The following LARGE1 variants were observed in gnomAD, a reference collection of about 807,000 sequenced individuals.
LARGE1 encodes xylosyl- and glucuronyltransferase LARGE1.
In LARGE1, 43 loss-of-function variants were observed where a neutral mutation model predicts 87.6. That is an observed-to-expected ratio of 0.49 (90% CI 0.38 to 0.63). The LOEUF is 0.63. Among genes scored for constraint, LARGE1 ranks in the 30% least tolerant of loss-of-function variants. The pLI is 0.00. For synonymous variants in LARGE1, 434 were observed against 394.6 expected (o/e 1.10, Z -1.18); for missense variants, 802 against 1,000.2 (o/e 0.80, Z 2.67).
chr22:33,505,145 T>G (rs2070702406), intron 6 of LARGE1, among the ~76,000 whole-genome samples: 1 of 152,228 alleles, frequency 6.6e-6, no homozygotes, highest in Non-Finnish European at 1.5e-5. Flanking sequence ...GCATGCAGCT[T>G]CAACAGCTTG....
the LARGE1 span, among the ~76,000 whole-genome samples, chr22:33,151,471 T>C: frequency 6.6e-6 from 1 of 152,230 alleles, no homozygotes. Context: ...CATTGGTTTC[T>C]AGTGCTATGT....
intron 12 of LARGE1, among the ~76,000 whole-genome samples, chr22:33,288,360 T>C (rs1017231797): frequency 3.3e-5 from 5 of 152,212 alleles, no homozygotes; most frequent in Admixed American, 2.0e-4. Flanking sequence ...ACAGAAATCC[T>C]GCCTCAGTTT....
intron 7 of LARGE1, among the ~76,000 whole-genome samples, chr22:33,404,133 A>G (rs2283904): frequency 0.44 from 67,374 of 152,050 alleles, 18,596 homozygotes; most frequent in African/African-American, 0.79. Flanking sequence ...GGGGAGATAA[A>G]GAAAGCTCAG....
At chr22:33,348,991 T>C (rs1476110319) in intron 9 of LARGE1, among the ~76,000 whole-genome samples, 1 of 152,180 alleles carries the variant, frequency 6.6e-6, no homozygotes, top group Non-Finnish European at 1.5e-5. Context: ...CCTGCCGCCA[T>C]GTAAGACATG....
intron 5 of LARGE1, among the ~76,000 whole-genome samples, chr22:33,594,767 C>T (rs916642805): frequency 8.5e-5 from 13 of 152,102 alleles, no homozygotes; most frequent in African/African-American, 2.2e-4. Context: ...CCACCATGCC[C>T]GGCTAATTTT....
chr22:33,178,052 C>A (rs1922972188), intron 11 of LARGE1, among the ~76,000 whole-genome samples: 1 of 152,182 alleles, frequency 6.6e-6, no homozygotes, highest in Non-Finnish European at 1.5e-5. Context: ...CCATGTGGAA[C>A]TGTGAGTCAT....
intron 4 of LARGE1, among the ~76,000 whole-genome samples, chr22:33,619,545 A>G (rs1304661827): frequency 7.0e-6 from 1 of 143,690 alleles, no homozygotes; most frequent in East Asian, 2.0e-4. Context: ...ACAGAGTGAG[A>G]CTCTGTCTCA....
chr22:33,822,563 T>C (rs111340372), intron 1 of LARGE1, among the ~76,000 whole-genome samples: 10,910 of 152,016 alleles, frequency 0.072, 514 homozygotes, highest in Admixed American at 0.11. Context: ...GCCGGGGTGG[T>C]GGCAGACGTC....
intron 1 of LARGE1, among the ~76,000 whole-genome samples, chr22:33,809,750 G>A (rs774078530): frequency 3.9e-5 from 6 of 151,930 alleles, no homozygotes; most frequent in Non-Finnish European, 8.8e-5. Flanking sequence ...TAACCAATGA[G>A]ATATTTTATA....
At chr22:33,503,405 C>T (rs542679828) in intron 6 of LARGE1, among the ~76,000 whole-genome samples, 39 of 151,270 alleles carry the variant, frequency 2.6e-4, no homozygotes, top group Admixed American at 2.0e-3. Context: ...TACAGGCACC[C>T]GAGGAGTTCC....
At chr22:33,709,979 GAAAAA>G (rs5845106) in intron 2 of LARGE1, among the ~76,000 whole-genome samples, 1 of 88,808 alleles carries the variant, frequency 1.1e-5, no homozygotes, top group African/African-American at 3.9e-5. Context: ...TTGCTAGGCA[GAAAAA>G]AAAAAAAAAA....
chr22:33,407,703 C>T (rs1254077027), intron 7 of LARGE1, among the ~76,000 whole-genome samples: 1 of 152,012 alleles, frequency 6.6e-6, no homozygotes, highest in African/African-American at 2.4e-5. Context: ...ACCAAGTCTG[C>T]TCCCGAGACC....
At chr22:33,892,631 T>C (rs1442611993) in intron 1 of LARGE1, among the ~76,000 whole-genome samples, 2 of 152,176 alleles carry the variant, frequency 1.3e-5, no homozygotes, top group Admixed American at 6.5e-5. Context: ...AACAAATGAA[T>C]GAATGAAAGA....
At chr22:33,154,867 G>A in the LARGE1 span, among the ~76,000 whole-genome samples, 2 of 152,180 alleles carry the variant, frequency 1.3e-5, no homozygotes, top group Non-Finnish European at 2.9e-5. Context: ...AACCCAGTGG[G>A]AGGTAATTGA....
At chr22:33,697,841 C>T (rs2082298035) in intron 2 of LARGE1, among the ~76,000 whole-genome samples, 1 of 152,172 alleles carries the variant, frequency 6.6e-6, no homozygotes, top group Non-Finnish European at 1.5e-5. Flanking sequence ...CATGTGTGGT[C>T]ATCCTTGCCT....
chr22:33,402,788 A>T, intron 7 of LARGE1, among the ~76,000 whole-genome samples: 1 of 152,240 alleles, frequency 6.6e-6, no homozygotes, highest in Non-Finnish European at 1.5e-5. Flanking sequence ...TGAATTCACC[A>T]CTCACTGTGA....
chr22:33,083,593 C>T, the LARGE1 span, among the ~76,000 whole-genome samples: 783 of 152,152 alleles, frequency 5.1e-3, 7 homozygotes, highest in African/African-American at 0.018. Context: ...AAGTCTGAAC[C>T]ATGAAAAAAT....
At chr22:33,884,937 C>G (rs2064802699) in intron 1 of LARGE1, among the ~76,000 whole-genome samples, 1 of 152,180 alleles carries the variant, frequency 6.6e-6, no homozygotes, top group Non-Finnish European at 1.5e-5. Flanking sequence ...ATTTGTGAGG[C>G]TTTCCATGGG....
intron 1 of LARGE1, among the ~76,000 whole-genome samples, chr22:33,786,736 G>C (rs2085654321): frequency 6.6e-6 from 1 of 152,162 alleles, no homozygotes; most frequent in African/African-American, 2.4e-5. Context: ...TTAACAGTAA[G>C]ATAGGCTGGG....
Sources: allele counts gnomAD v4.1 joint callset (sites outside exome capture counted in the v4.1 genomes callset), GRCh38; gene constraint gnomAD v4.1.1; transcripts MANE v1.5; gene names NCBI Gene and HGNC (gene_info 2026-07-23, HGNC 2026-07-21).